CTDSPL2: variants seen among roughly 807,000 people sequenced by gnomAD.
CTDSPL2 encodes the protein CTD small phosphatase like 2.
In CTDSPL2, 5 loss-of-function variants were observed where a neutral mutation model predicts 60.0. The observed-to-expected ratio is 0.08, with a 90% CI of 0.04 to 0.18. The LOEUF (loss-of-function observed/expected upper bound fraction) is 0.18. Among genes scored for constraint, CTDSPL2 ranks in the 10% least tolerant of loss-of-function variants. CTDSPL2 has a pLI of 1.00. For missense variants in CTDSPL2, 370 were observed against 548.8 expected, an observed-to-expected ratio of 0.67 and a Z score of 3.26; for synonymous variants, 186 against 189.3, an observed-to-expected ratio of 0.98 and a Z score of 0.14.
chr15:44,494,970 A>AT (rs1417063961), intron 5 of CTDSPL2, among the ~76,000 whole-genome samples: 2 of 151,988 alleles, frequency 1.3e-5, no homozygotes, highest in Non-Finnish European at 2.9e-5. Flanking sequence ...GCATTTCTTA[A>AT]TTTTTTGTTT....
At chr15:44,492,322 C>G (rs1217049652) in intron 5 of CTDSPL2, among the ~76,000 whole-genome samples, 1 of 152,080 alleles carries the variant, frequency 6.6e-6, no homozygotes, top group Non-Finnish European at 1.5e-5. Flanking sequence ...GGCAGCAGAG[C>G]AAGATCCAGT....
chr15:44,519,503 A>G (rs2081719284), intron 11 of CTDSPL2: 4 of 406,062 alleles, frequency 9.9e-6, no homozygotes, highest in Non-Finnish European at 1.7e-5. Flanking sequence ...ATAAATGAAG[A>G]AAAACCTGAG....
chr15:44,499,232 C>G (rs531072117), intron 7 of CTDSPL2, among the ~76,000 whole-genome samples: 1 of 152,066 alleles, frequency 6.6e-6, no homozygotes, highest in Admixed American at 6.6e-5. Context: ...TGGTGAAACC[C>G]TGTCTCTACT....
intron 2 of CTDSPL2, among the ~76,000 whole-genome samples, chr15:44,465,550 C>T (rs1054575449): frequency 6.6e-6 from 1 of 151,988 alleles, no homozygotes; most frequent in African/African-American, 2.4e-5. Context: ...TGTTTTGTTT[C>T]TTCTTCTAAA....
At chr15:44,518,921 T>A (rs2081707399) in intron 10 of CTDSPL2, 1 of 245,102 alleles carries the variant, frequency 4.1e-6, no homozygotes, top group South Asian at 1.8e-4. Context: ...AATTTAATAA[T>A]AACATTTTGG....
At chr15:44,438,872 T>G (rs1350635096) in intron 1 of CTDSPL2, among the ~76,000 whole-genome samples, 1 of 152,192 alleles carries the variant, frequency 6.6e-6, no homozygotes, top group Non-Finnish European at 1.5e-5. Flanking sequence ...AAAGGAAATT[T>G]TATTGCCCAG....
intron 1 of CTDSPL2, chr15:44,448,647 C>G: frequency 3.1e-6 from 1 of 317,802 alleles, no homozygotes. Context: ...TCCATTTCTC[C>G]CATTTTATTC....
intron 3 of CTDSPL2, 111 bp downstream of exon 3, chr15:44,484,473 G>T (rs776489464): frequency 7.4e-5 from 75 of 1,018,572 alleles, no homozygotes; most frequent in Non-Finnish European, 1.0e-4. Flanking sequence ...AGTGGCTCAT[G>T]CCTGTAATCC....
At chr15:44,482,312 T>A (rs1022248755) in intron 2 of CTDSPL2, among the ~76,000 whole-genome samples, 11 of 152,206 alleles carry the variant, frequency 7.2e-5, no homozygotes, top group African/African-American at 2.2e-4. Flanking sequence ...CAATCATTGT[T>A]TTTGTTAGTG....
Position 44,514,969 on chromosome 15 carries a change from T to A in CTDSPL2, c.1112+125T>A, listed in dbSNP as rs117505168. Reference sequence around the variant, plus strand: ...GTGTTGAATGGTGAATATAAATGAATTTTTTAAGCCCCTAAACTCTTTAAA... The same window carrying A: ...GTGTTGAATGGTGAATATAAATGAAATTTTTAAGCCCCTAAACTCTTTAAA... On this transcript the variant is annotated intron_variant, in intron 10 of 12. Coordinates refer to ENST00000260327, the MANE Select transcript of CTDSPL2 (RefSeq NM_016396.3). 6.5e-3 allele frequency: 3,808 copies of A among 584,978 alleles called. 80 individuals are homozygous for A. The highest frequency in any genetic ancestry group is 0.035 in the East Asian group (1,253 of 36,316). The allele number at this position is 584,978 out of a possible 1,614,324, so 36.2% of individuals were successfully genotyped here. A position where few individuals can be genotyped will look rare whatever the true frequency, so the allele number is the denominator to read the frequency against.
chr15:44,493,745 A>C (rs568170838), intron 5 of CTDSPL2, among the ~76,000 whole-genome samples: 14 of 152,316 alleles, frequency 9.2e-5, no homozygotes, highest in African/African-American at 2.4e-4. Flanking sequence ...GGCTGCAGTG[A>C]GCTGTGTTCA....
In CTDSPL2 at chr15:44,499,805, A is replaced by G. The variant is rs373528268; in HGVS notation, c.961A>G (p.Ile321Val). 105 of 1,593,446 alleles carry G rather than the reference A, an allele frequency of 6.6e-5. No homozygotes were observed. The highest frequency in any genetic ancestry group is 8.4e-5 in the Admixed American group (5 of 59,470). Reference protein sequence around the residue: ...LTFPVLFQDVIYQVYVRLRPF... With the variant: ...LTFPVLFQDVVYQVYVRLRPF... ...TTTTCCAGTCCTTTTCCAAGATGTC[A>G]TTTATCAGGTAATTAAAATTTTTTT... The change falls in exon 8 of 13, where the codon ATT becomes GTT. Residue 321 changes from isoleucine (I) to valine (V), a missense_variant. By Grantham distance (29) the Ile-to-Val change is conservative. Transcript: ENST00000260327.
At chr15:44,441,302 A>G (rs1221478015) in intron 1 of CTDSPL2, among the ~76,000 whole-genome samples, 1 of 151,412 alleles carries the variant, frequency 6.6e-6, no homozygotes, top group Non-Finnish European at 1.5e-5. Context: ...AGTCCCTTCC[A>G]GTTTTTGTTC....
intron 1 of CTDSPL2, among the ~76,000 whole-genome samples, chr15:44,429,341 G>A (rs1206671856): frequency 6.6e-6 from 1 of 152,146 alleles, no homozygotes; most frequent in Admixed American, 6.6e-5. Flanking sequence ...TTTAAAAAAT[G>A]GAGCCAAATA....
At chr15:44,500,391 C>G (rs2081366028) in intron 8 of CTDSPL2, among the ~76,000 whole-genome samples, 1 of 152,108 alleles carries the variant, frequency 6.6e-6, no homozygotes. Flanking sequence ...TAACATTTCA[C>G]TGTGGATTAT....
rs1340044638 is a variant in CTDSPL2 at position 44,427,755 on chromosome 15, C to A, written c.-42C>A. On this transcript the variant is annotated 5_prime_UTR_variant, in exon 1 of 13. Coordinates refer to ENST00000260327, the MANE Select transcript of CTDSPL2 (RefSeq NM_016396.3). ...CCATCGCCGGAGCCTGAGGACACTT[C>A]TCTGTCGTCACAGTTAGGTAATCCC... 1 of 399,236 alleles carries A rather than the reference C, an allele frequency of 2.5e-6. No individual in the cohort carries two copies. Among genetic ancestry groups the A allele is most frequent in the African/African-American group, 2.1e-5 (1 of 48,654 alleles). 24.7% of individuals were successfully genotyped at this position (399,236 alleles called of 1,614,324 possible). A position where few individuals can be genotyped will look rare whatever the true frequency, so the allele number is the denominator to read the frequency against.
intron 2 of CTDSPL2, among the ~76,000 whole-genome samples, chr15:44,472,988 G>T (rs1469501464): frequency 6.6e-6 from 1 of 151,878 alleles, no homozygotes; most frequent in Non-Finnish European, 1.5e-5. Context: ...GTAGAGACAG[G>T]GTTTCACTAT....
chr15:44,427,833 G>C, intron 1 of CTDSPL2, 61 bp downstream of exon 1: 1 of 396,992 alleles, frequency 2.5e-6, no homozygotes, highest in Non-Finnish European at 4.4e-6. Context: ...CCTCTTCCAG[G>C]GCCGTCTGCC....
At chr15:44,440,818 A>G (rs1040293443) in intron 1 of CTDSPL2, among the ~76,000 whole-genome samples, 1 of 152,286 alleles carries the variant, frequency 6.6e-6, no homozygotes, top group Non-Finnish European at 1.5e-5. Flanking sequence ...TACCTGGAAC[A>G]TTGCATTCGT....
Sources: gnomAD v4.1 joint callset for allele counts (sites outside exome capture counted in the v4.1 genomes callset) on GRCh38, gnomAD v4.1.1 for gene constraint, MANE v1.5 for transcripts, NCBI Gene and HGNC (gene_info 2026-07-23, HGNC 2026-07-21) for gene names.